MAMDC2: variants seen among roughly 807,000 people sequenced by gnomAD.
MAMDC2 encodes the protein MAM domain containing 2.
MAMDC2 carries 57 observed loss-of-function variants against 89.8 expected under a neutral mutation model. That is an observed-to-expected ratio of 0.63 (90% CI 0.51 to 0.79). The LOEUF (loss-of-function observed/expected upper bound fraction) is 0.79. Among genes scored for constraint, MAMDC2 ranks in the 30% least tolerant of loss-of-function variants. MAMDC2 has a pLI of 0.00. For missense variants in MAMDC2, 800 were observed against 820.6 expected, an observed-to-expected ratio of 0.97 and a Z score of 0.31; for synonymous variants, 313 against 293.4, an observed-to-expected ratio of 1.07 and a Z score of -0.68.
intron 11 of MAMDC2, among the ~76,000 whole-genome samples, chr9:70,199,512 C>A (rs979006088): frequency 6.8e-6 from 1 of 148,066 alleles, no homozygotes; most frequent in Non-Finnish European, 1.5e-5. Context: ...AATAAACATA[C>A]GTGTGCATGT....
intron 11 of MAMDC2, among the ~76,000 whole-genome samples, chr9:70,191,666 A>C (rs1200621699): frequency 6.6e-6 from 1 of 151,976 alleles, no homozygotes; most frequent in Non-Finnish European, 1.5e-5. Flanking sequence ...AACTAAGCTA[A>C]CCTGAGGTAG....
At chr9:70,119,430 A>T (rs2030183972) in intron 5 of MAMDC2, among the ~76,000 whole-genome samples, 2 of 152,028 alleles carry the variant, frequency 1.3e-5, no homozygotes, top group South Asian at 4.1e-4. Flanking sequence ...TTTTAACAGG[A>T]CTTATTTATT....
intron 6 of MAMDC2, among the ~76,000 whole-genome samples, chr9:70,128,885 G>A (rs913214370): frequency 6.6e-6 from 1 of 152,118 alleles, no homozygotes; most frequent in Non-Finnish European, 1.5e-5. Flanking sequence ...TCAAACTCCT[G>A]AGCTCAAATG....
intron 11 of MAMDC2, among the ~76,000 whole-genome samples, chr9:70,213,069 G>A (rs1481566089): frequency 6.6e-6 from 1 of 152,084 alleles, no homozygotes; most frequent in African/African-American, 2.4e-5. Flanking sequence ...ATGATCCTGG[G>A]GATAATTAAG....
At chr9:70,046,655 C>T (rs905467262) in intron 2 of MAMDC2, among the ~76,000 whole-genome samples, 2 of 152,226 alleles carry the variant, frequency 1.3e-5, no homozygotes, top group African/African-American at 4.8e-5. Flanking sequence ...TTAAACCATC[C>T]CCCTTCAGGG....
intron 2 of MAMDC2, among the ~76,000 whole-genome samples, chr9:70,089,467 G>A (rs949741977): frequency 2.6e-5 from 4 of 152,076 alleles, no homozygotes; most frequent in African/African-American, 9.7e-5. Context: ...CAAGTTTTGG[G>A]GAGCTGTTCA....
intron 9 of MAMDC2, among the ~76,000 whole-genome samples, chr9:70,146,512 A>G (rs1360308535): frequency 6.6e-6 from 1 of 152,248 alleles, no homozygotes; most frequent in African/African-American, 2.4e-5. Context: ...TTGGGTAAGC[A>G]GGAAACTAAA....
At chr9:70,189,135 TAC>T (rs1414001827) in intron 11 of MAMDC2, among the ~76,000 whole-genome samples, 2 of 152,332 alleles carry the variant, frequency 1.3e-5, no homozygotes, top group African/African-American at 2.4e-5. Context: ...TATATTTACC[TAC>T]ACAGTTATCT....
chr9:70,100,000 GAGAGAGAGAGA>G (rs1828131424), intron 2 of MAMDC2, among the ~76,000 whole-genome samples: 3 of 147,640 alleles, frequency 2.0e-5, no homozygotes, highest in African/African-American at 7.9e-5. Context: ...GAGAGAGAGA[GAGAGAGAGAGA>G]GAGAGAGAGA....
chr9:70,044,614 C>T lies in MAMDC2; in HGVS notation c.65C>T (p.Pro22Leu), dbSNP rs773671177. ...ALQLAGALDLPAGSCAFEEST... is the reference protein window; with the variant it reads ...ALQLAGALDLLAGSCAFEEST... Reference sequence around the variant, plus strand: ...CAGCTCGCCGGTGCCCTCGACCTGCCCGCTGGGTCCTGTGCCTTTGAAGAG... The same window carrying T: ...CAGCTCGCCGGTGCCCTCGACCTGCTCGCTGGGTCCTGTGCCTTTGAAGAG... The change falls in exon 2 of 14, where the codon CCC becomes CTC. Residue 22 changes from proline to leucine, a missense_variant. Pro to Leu is a moderately conservative substitution (Grantham distance 98). Coordinates refer to ENST00000377182, the MANE Select transcript of MAMDC2 (RefSeq NM_153267.5). 1.3e-6 allele frequency: 2 copies of T among 1,550,932 alleles called. No individual in the cohort carries two copies. The highest frequency in any genetic ancestry group is 1.7e-6 in the Non-Finnish European group (2 of 1,146,938).
chr9:70,136,259 T>C (rs1042071736), intron 7 of MAMDC2, among the ~76,000 whole-genome samples: 3 of 152,222 alleles, frequency 2.0e-5, no homozygotes, highest in African/African-American at 7.2e-5. Context: ...GTTTTGCCTT[T>C]TCAAGAATGT....
intron 7 of MAMDC2, among the ~76,000 whole-genome samples, chr9:70,135,914 G>A (rs1312621123): frequency 6.6e-6 from 1 of 152,166 alleles, no homozygotes; most frequent in Non-Finnish European, 1.5e-5. Flanking sequence ...ACTTTGGGAG[G>A]CAAAGGAGGG....
chr9:70,119,185 C>CA (rs5898117), intron 5 of MAMDC2, among the ~76,000 whole-genome samples: 35,122 of 97,602 alleles, frequency 0.36, 5,453 homozygotes, highest in African/African-American at 0.52. Context: ...CATACCTTAG[C>CA]AAAAAAAAAA....
rs975540714 is a variant in MAMDC2 at position 70,044,081 on chromosome 9, C to G, written c.-117C>G. ...GAGCGCAAGCTTTGCCTCTCGACTT[C>G]TCCCTCCTTGGGTCCCCGGCGCCCC... On this transcript the variant is annotated 5_prime_UTR_variant, in exon 1 of 14. Transcript: ENST00000377182. 8.0e-7 allele frequency: 1 copy of G among 1,252,108 alleles called. No homozygotes were observed. The allele number at this position is 1,252,108 out of a possible 1,614,324, so 77.6% of individuals were successfully genotyped here.
intron 5 of MAMDC2, among the ~76,000 whole-genome samples, chr9:70,118,289 C>T (rs1018336280): frequency 3.0e-4 from 44 of 144,814 alleles, no homozygotes; most frequent in Middle Eastern, 7.2e-3. Flanking sequence ...TAGCCAACAT[C>T]CCCACTCAAC....
chr9:70,054,353 C>T (rs1208227356), intron 2 of MAMDC2, among the ~76,000 whole-genome samples: 7 of 152,062 alleles, frequency 4.6e-5, no homozygotes, highest in African/African-American at 1.7e-4. Context: ...ATGAAAGAAA[C>T]AGGAAGAACC....
intron 7 of MAMDC2, among the ~76,000 whole-genome samples, chr9:70,139,768 C>T (rs2031142874): frequency 6.6e-6 from 1 of 152,162 alleles, no homozygotes; most frequent in African/African-American, 2.4e-5. Flanking sequence ...TTCTCCACAT[C>T]CTCTCCAGCA....
intron 3 of MAMDC2, chr9:70,109,407 A>T (rs1309971702): frequency 3.3e-6 from 1 of 306,366 alleles, no homozygotes; most frequent in Admixed American, 4.9e-5. Flanking sequence ...TACCACAAGC[A>T]CTGAAGGTGG....
chr9:70,155,585 C>T (rs942919620), intron 9 of MAMDC2, among the ~76,000 whole-genome samples: 8 of 152,296 alleles, frequency 5.3e-5, no homozygotes, highest in East Asian at 1.9e-4. Flanking sequence ...CTCCTGCATT[C>T]GACACCGATG....
Sources: gnomAD v4.1 joint callset for allele counts (sites outside exome capture counted in the v4.1 genomes callset) on GRCh38, gnomAD v4.1.1 for gene constraint, MANE v1.5 for transcripts, NCBI Gene and HGNC (gene_info 2026-07-23, HGNC 2026-07-21) for gene names.